FAT3: variants seen among roughly 807,000 people sequenced by gnomAD.
FAT3 encodes the protein FAT atypical cadherin 3, also known as protocadherin Fat 3.
A neutral mutation model predicts 310.2 loss-of-function variants in FAT3; 95 were observed. The observed-to-expected ratio is 0.31, with a 90% confidence interval of 0.26 to 0.36. The LOEUF is 0.36. Ranked by LOEUF, FAT3 falls within the 10% of genes least tolerant of loss-of-function variation. FAT3 has a pLI of 1.00. For missense variants in FAT3, 5,408 were observed against 5,715.6 expected (o/e 0.95, Z 1.74); for synonymous variants, 2,314 against 2,192.9 (o/e 1.06, Z -1.54).
intron 2 of FAT3, among the ~76,000 whole-genome samples, chr11:92,409,674 T>C (rs889516821): frequency 9.2e-5 from 14 of 152,206 alleles, no homozygotes; most frequent in African/African-American, 3.4e-4. Flanking sequence ...AAGAAACCCT[T>C]TATTTTAGGG....
rs577451780 is a variant in FAT3 at position 92,516,105 on chromosome 11, A to G, written c.3293-8529A>G. ...TCCTTCTGAAATTATTCCAAACAAT[A>G]GAAAAAGAGGGACTCTTCCCTAACT... On this transcript the variant is annotated intron_variant, in intron 2 of 27. Transcript: ENST00000525166. Among the ~76,000 whole-genome samples the G allele has an allele frequency of 2.2e-4, 33 of 152,274 alleles. 1 individual carries two copies. In the South Asian group the frequency reaches 6.6e-3, roughly 31 times the overall value.
intron 3 of FAT3, among the ~76,000 whole-genome samples, chr11:92,678,587 G>T (rs1943366768): frequency 6.6e-6 from 1 of 152,090 alleles, no homozygotes; most frequent in Non-Finnish European, 1.5e-5. Flanking sequence ...TAGCAAGAAT[G>T]CTGATCTTGA....
intron 7 of FAT3, among the ~76,000 whole-genome samples, chr11:92,782,561 G>T (rs139196978): frequency 1.1e-3 from 172 of 152,124 alleles, no homozygotes; most frequent in African/African-American, 3.8e-3. Context: ...GTCTCAAAAA[G>T]TAATTAATTA....
chr11:92,883,014 C>A lies in FAT3; in HGVS notation c.12558C>A (p.Arg4186=), dbSNP rs966371785. 1 of 1,613,796 alleles carries A rather than the reference C, an allele frequency of 6.2e-7. No individual in the cohort carries two copies. The highest frequency in any genetic ancestry group is 8.5e-7 in the Non-Finnish European group (1 of 1,179,904). Residue 4186 remains arginine (R), a synonymous_variant, in exon 24 of 28, where the codon CGC becomes CGA. Transcript: ENST00000525166. The surrounding 1 kb of genome is among the most constrained non-coding windows in gnomAD (Gnocchi z 4.2). ...AGGTCTTCCGCAAGAACTACTCCCGCAACAACATCACGCTAGTGCAGGACC... is the reference window on the plus strand; with the variant it reads ...AGGTCTTCCGCAAGAACTACTCCCGAAACAACATCACGCTAGTGCAGGACC... The part of the protein sequence containing the change: ...RKKVFRKNYS[R]NNITLVQDPA...
At chr11:92,391,710 A>G (rs1949753318) in intron 2 of FAT3, among the ~76,000 whole-genome samples, 1 of 152,234 alleles carries the variant, frequency 6.6e-6, no homozygotes, top group South Asian at 2.1e-4. Flanking sequence ...AATGTTTGAC[A>G]TTCAAAACAG....
At chr11:92,742,835 C>T (rs1237763322) in intron 4 of FAT3, among the ~76,000 whole-genome samples, 1 of 152,188 alleles carries the variant, frequency 6.6e-6, no homozygotes, top group Non-Finnish European at 1.5e-5. Flanking sequence ...GACTAAGACA[C>T]CCAGTGTCTA....
At chr11:92,658,506 G>C (rs887538820) in intron 3 of FAT3, among the ~76,000 whole-genome samples, 2 of 152,056 alleles carry the variant, frequency 1.3e-5, no homozygotes, top group African/African-American at 4.8e-5. Context: ...GGCTTGCTTG[G>C]TATCTATCAG....
At chr11:92,553,091 C>T (rs1474061814) in intron 3 of FAT3, among the ~76,000 whole-genome samples, 1 of 152,114 alleles carries the variant, frequency 6.6e-6, no homozygotes, top group East Asian at 1.9e-4. Context: ...TTTTCAGCTT[C>T]TTCTCATTCC....
intron 3 of FAT3, among the ~76,000 whole-genome samples, chr11:92,568,345 A>G (rs1306634141): frequency 6.6e-6 from 1 of 152,012 alleles, no homozygotes; most frequent in Non-Finnish European, 1.5e-5. Flanking sequence ...ATAGTGACCT[A>G]CCAGGTGCAA....
At chr11:92,529,543 G>GT (rs896233521) in intron 3 of FAT3, among the ~76,000 whole-genome samples, 39 of 151,044 alleles carry the variant, frequency 2.6e-4, no homozygotes, top group Non-Finnish European at 3.0e-4. Context: ...TTTTTGTTTT[G>GT]TTTTTTTTGT....
intron 2 of FAT3, among the ~76,000 whole-genome samples, chr11:92,443,448 C>A (rs1040744004): frequency 1.3e-5 from 2 of 152,160 alleles, no homozygotes; most frequent in Non-Finnish European, 2.9e-5. Flanking sequence ...TTCAGGTTCT[C>A]CTGGATTCTT....
chr11:92,625,557 T>C (rs560924634), intron 3 of FAT3, among the ~76,000 whole-genome samples: 2 of 152,294 alleles, frequency 1.3e-5, no homozygotes, highest in Middle Eastern at 3.4e-3. Flanking sequence ...CTCACACCGA[T>C]GGCCCAGAGA....
intron 3 of FAT3, among the ~76,000 whole-genome samples, chr11:92,686,181 T>A (rs1472859982): frequency 2.0e-5 from 3 of 152,166 alleles, no homozygotes; most frequent in Non-Finnish European, 4.4e-5. Context: ...ATGCCACTGA[T>A]TCAGACTCTG....
At chr11:92,278,259 A>G (rs1344111727) in intron 1 of FAT3, among the ~76,000 whole-genome samples, 1 of 152,170 alleles carries the variant, frequency 6.6e-6, no homozygotes, top group Admixed American at 6.6e-5. Flanking sequence ...ATGAGTAATT[A>G]ATCAACTATT....
At position 92,352,164 on chromosome 11, in the gene FAT3, C is replaced by G; in HGVS notation, c.52C>G (p.Leu18Val). The G allele has an allele frequency of 7.3e-7, 1 of 1,370,084 alleles. No homozygotes were observed. Among genetic ancestry groups the G allele is most frequent in the South Asian group, 1.1e-5 (1 of 87,956 alleles). 84.9% of individuals were successfully genotyped at this position (1,370,084 alleles called of 1,614,324 possible). Residue 18 changes from leucine (L) to valine (V), a missense_variant, in exon 2 of 28, where the codon CTC (leucine) becomes GTC (valine). By Grantham distance (32) the Leu-to-Val change is conservative. Coordinates refer to ENST00000525166, the MANE Select transcript of FAT3 (RefSeq NM_001367949.2). ...GGGCACACGGCCTCCTGCTTGTTGCCTCATCCTCCTGCTTTTCAAGCTTTT... is the reference window on the plus strand; with the variant it reads ...GGGCACACGGCCTCCTGCTTGTTGCGTCATCCTCCTGCTTTTCAAGCTTTT... ...CVGTRPPACC[L>V]ILLLFKLLAT...
intron 3 of FAT3, among the ~76,000 whole-genome samples, chr11:92,614,327 T>C (rs574164853): frequency 6.6e-6 from 1 of 152,338 alleles, no homozygotes; most frequent in South Asian, 2.1e-4. Flanking sequence ...ACTGCCAGAC[T>C]ATTTTGCAAA....
intron 1 of FAT3, among the ~76,000 whole-genome samples, chr11:92,253,040 C>T (rs948593158): frequency 1.3e-5 from 2 of 152,070 alleles, no homozygotes; most frequent in African/African-American, 4.8e-5. Flanking sequence ...TTGGGTACCT[C>T]CTGCTCCTGT....
In FAT3 at chr11:92,789,873, G is replaced by C. The variant is rs545933237; in HGVS notation, c.4336-70G>C. ...GACGGGGAAGCGGGGAGAAAAAGAG[G>C]GAGGGCATACTTTTATTAGCAGTGA... On this transcript the variant is annotated intron_variant, in intron 7 of 27. Transcript: ENST00000525166. The C allele has an allele frequency of 3.9e-6, 6 of 1,519,932 alleles. No individual in the cohort carries two copies. The East Asian group carries it at 1.1e-4, about 29-fold the overall frequency. 94.2% of individuals were successfully genotyped at this position (1,519,932 alleles called of 1,614,324 possible).
At chr11:92,319,107 G>A (rs757240387) in intron 1 of FAT3, among the ~76,000 whole-genome samples, 4 of 152,090 alleles carry the variant, frequency 2.6e-5, no homozygotes, top group Non-Finnish European at 5.9e-5. Flanking sequence ...AAAAGCCCAG[G>A]TGATTATTGG....
Sources: allele counts gnomAD v4.1 joint callset (sites outside exome capture counted in the v4.1 genomes callset), GRCh38; gene constraint gnomAD v4.1.1; non-coding constraint Gnocchi (gnomAD v3.1); transcripts MANE v1.5; gene names NCBI Gene and HGNC (gene_info 2026-07-23, HGNC 2026-07-21).